POMZP3: variants seen among roughly 807,000 people sequenced by gnomAD.
POMZP3 encodes the protein POM121 and ZP3 fusion.
In POMZP3, 10 loss-of-function variants were observed where a neutral mutation model predicts 19.8. The observed-to-expected ratio is 0.51, with a 90% confidence interval of 0.31 to 0.86. The LOEUF (loss-of-function observed/expected upper bound fraction) is 0.86, where lower values mean the gene tolerates loss of function less well. POMZP3 is among the 40% of genes least tolerant of loss of function. The pLI, the probability that POMZP3 is intolerant of heterozygous loss-of-function variation, is 0.04. For synonymous variants in POMZP3, 57 were observed against 85.8 expected, an observed-to-expected ratio of 0.66 and a Z score of 1.85; for missense variants, 152 against 228.1, an observed-to-expected ratio of 0.67 and a Z score of 2.15.
intron 3 of POMZP3, among the ~76,000 whole-genome samples, chr7:76,622,610 C>T (rs1465354372): frequency 2.6e-5 from 4 of 151,680 alleles, no homozygotes; most frequent in African/African-American, 7.2e-5. Context: ...ATGATCCACC[C>T]GCCTTGGCCT....
rs772733313 is a variant in POMZP3 at position 76,611,472 on chromosome 7, G to A, written c.557C>T (p.Ser186Phe). ...GACATACCATGCCTGCGGTTACAGG[G>A]AAGCAGACGTGGACCACTGGCTCAC... Reference protein sequence around the residue: ...RVVSQWSTSASL With the variant: ...RVVSQWSTSAFL The change falls in exon 6 of 7, where the codon TCC becomes TTC. Residue 186 changes from serine to phenylalanine, a missense_variant. Physicochemically the swap from Ser to Phe is radical, Grantham distance 155 (BLOSUM62 -2). Coordinates refer to ENST00000310842, the MANE Select transcript of POMZP3 (RefSeq NM_012230.5). 1.1e-5 allele frequency: 18 copies of A among 1,600,518 alleles called. No homozygotes were observed. The South Asian group carries it at 1.8e-4, about 16-fold the overall frequency.
At chr7:76,616,542 T>C (rs1815298282) in intron 4 of POMZP3, among the ~76,000 whole-genome samples, 1 of 99,620 alleles carries the variant, frequency 1.0e-5, no homozygotes. Context: ...GCCTCACCTC[T>C]CATCTCAGTG....
rs771673705 is a variant in POMZP3 at position 76,611,580 on chromosome 7, A to C, written c.449T>G (p.Val150Gly). The change falls in exon 6 of 7, where the codon GTG (valine) becomes GGG (glycine). Residue 150 changes from valine (V) to glycine (G), a missense_variant. By Grantham distance (109) the Val-to-Gly change is moderately radical (BLOSUM62 -3). Around this residue, in one of 4 missense-constraint regions of POMZP3, gnomAD observed 65 missense variants for 86.2 expected, o/e 0.75. Transcript: ENST00000310842. The stretch of plus-strand genomic sequence containing the variant: ...TTGACAGATGTCAGCCAGGCCTTCC[A>C]CTGGGAACCAGCTGAGATGAAAGAG... ...FSKPSNSWFP[V>G]EGLADICQCC... 3.2e-5 allele frequency: 51 copies of C among 1,599,398 alleles called. No individual in the cohort carries two copies. In the South Asian group the frequency reaches 4.3e-4, roughly 14 times the overall value.
chr7:76,620,595 G>A (rs1017140513), intron 3 of POMZP3, among the ~76,000 whole-genome samples: 3 of 151,650 alleles, frequency 2.0e-5, no homozygotes, highest in African/African-American at 2.4e-5. Context: ...AGCCTCCCAA[G>A]TAGCTGAGAC....
intron 4 of POMZP3, among the ~76,000 whole-genome samples, chr7:76,615,971 C>G (rs1815264447): frequency 3.1e-5 from 1 of 32,184 alleles, no homozygotes; most frequent in Admixed American, 4.0e-4. Context: ...CAGAGACCCT[C>G]TCAAAAAAAA....
chr7:76,626,388 G>C (rs1815901879), intron 1 of POMZP3, 173 bp from the exon 2 acceptor site: 2 of 637,874 alleles, frequency 3.1e-6, no homozygotes, highest in Non-Finnish European at 5.4e-6. Flanking sequence ...TAAGAGCAGA[G>C]AGTGACAGCT....
At chr7:76,624,998 T>C (rs985861258) in intron 3 of POMZP3, among the ~76,000 whole-genome samples, 24 of 151,498 alleles carry the variant, frequency 1.6e-4, no homozygotes, top group African/African-American at 5.3e-4. Flanking sequence ...CCGGGCATGG[T>C]GGCGGGCGCC....
At chr7:76,624,632 G>A (rs945748746) in intron 3 of POMZP3, among the ~76,000 whole-genome samples, 1 of 148,824 alleles carries the variant, frequency 6.7e-6, no homozygotes, top group Non-Finnish European at 1.5e-5. Flanking sequence ...TTTTAGTAGA[G>A]ACGGGGTTTC....
At chr7:76,610,495 T>C (rs201318884) in intron 6 of POMZP3, among the ~76,000 whole-genome samples, 15,553 of 150,880 alleles carry the variant, frequency 0.1, 1,240 homozygotes, top group African/African-American at 0.23. Flanking sequence ...CTACTGAAAA[T>C]AAAAAAGTTA....
In POMZP3 at chr7:76,611,440, A is replaced by C; in HGVS notation, c.*11+14T>G. ...AGGGACAATGAACAGCCTCTTGGCC[A>C]TTCTATGACATACCATGCCTGCGGT... On this transcript the variant is annotated intron_variant, in intron 6 of 6. Coordinates refer to ENST00000310842, the MANE Select transcript of POMZP3 (RefSeq NM_012230.5). The C allele has an allele frequency of 6.5e-7, 1 of 1,536,898 alleles. No individual in the cohort carries two copies. The highest frequency in any genetic ancestry group is 8.8e-7 in the Non-Finnish European group (1 of 1,142,132).
chr7:76,610,887 T>A (rs999579425), intron 6 of POMZP3, among the ~76,000 whole-genome samples: 6 of 149,782 alleles, frequency 4.0e-5, no homozygotes, highest in Admixed American at 4.0e-4. Context: ...TTATTTTTTT[T>A]TTTTGAGAGA....
rs1815095367 is a variant in POMZP3 at position 76,611,447 on chromosome 7, G to C, written c.*11+7C>G. 1 of 1,548,252 alleles carries C rather than the reference G, an allele frequency of 6.5e-7. No individual in the cohort carries two copies. The highest frequency in any genetic ancestry group is 2.3e-5 in the East Asian group (1 of 43,800). On this transcript the variant is annotated splice_region_variant and intron_variant, in intron 6 of 6. Coordinates refer to ENST00000310842, the MANE Select transcript of POMZP3 (RefSeq NM_012230.5). Reference sequence around the variant, plus strand: ...ATGAACAGCCTCTTGGCCATTCTATGACATACCATGCCTGCGGTTACAGGG... The same window carrying C: ...ATGAACAGCCTCTTGGCCATTCTATCACATACCATGCCTGCGGTTACAGGG...
rs1269342045 is a variant in POMZP3, at chr7:76,614,787, G to T, written c.346-2974C>A. Among the ~76,000 whole-genome samples the T allele has an allele frequency of 7.2e-5, 6 of 83,536 alleles. 2 individuals are homozygous for T. The highest frequency in any genetic ancestry group is 1.4e-4 in the Non-Finnish European group (6 of 41,666). The allele number at this position is 83,536 out of a possible 152,430, so 54.8% of individuals were successfully genotyped here. ...GAGGCAGGAGAATGGCTTGAATAAG[G>T]AGGTGGAGGTTGCAGTGAACCGAGA... On this transcript the variant is annotated intron_variant, in intron 4 of 6. Transcript: ENST00000310842.
intron 3 of POMZP3, among the ~76,000 whole-genome samples, chr7:76,622,328 T>TG (rs1338731404): frequency 6.6e-6 from 1 of 150,612 alleles, no homozygotes; most frequent in African/African-American, 2.4e-5. Flanking sequence ...AACCCTCACT[T>TG]GGGGTCTGGG....
chr7:76,621,226 G>A (rs1480252648), intron 3 of POMZP3: 2 of 150,872 alleles, frequency 1.3e-5, no homozygotes, highest in African/African-American at 4.9e-5. Context: ...ATCCCTCCAG[G>A]GTGTCAGATG....
rs566549423 is a variant in POMZP3, at chr7:76,616,564, A to C, written c.345+1619T>G. Among the ~76,000 whole-genome samples the C allele has an allele frequency of 3.5e-4, 35 of 99,154 alleles. 8 individuals carry two copies. The East Asian group carries it at 8.7e-3, about 25-fold the overall frequency. 65.0% of individuals were successfully genotyped at this position (99,154 alleles called of 152,430 possible). ...CTCTCATCTCAGTGAGCTTGTTTAA[A>C]AGCTACTTGAGGCTGGGCATGGTGG... On this transcript the variant is annotated intron_variant, in intron 4 of 6. Transcript: ENST00000310842.
At chr7:76,621,435 G>A (rs1304104336) in intron 3 of POMZP3, 2 of 148,908 alleles carry the variant, frequency 1.3e-5, no homozygotes, top group Non-Finnish European at 3.0e-5. Context: ...AATGCCACCT[G>A]GAGTGGAGTT....
intron 6 of POMZP3, 86 bp from the exon 7 acceptor site, chr7:76,610,301 A>G (rs1158956713): frequency 2.4e-6 from 3 of 1,267,226 alleles, no homozygotes; most frequent in Non-Finnish European, 3.5e-6. Context: ...TCAGTGGGCT[A>G]AACTAATATG....
chr7:76,610,292 C>T, intron 6 of POMZP3, 77 bp from the exon 7 acceptor site: 1 of 1,446,670 alleles, frequency 6.9e-7, no homozygotes, highest in Non-Finnish European at 9.7e-7. Context: ...TATTCTGCCT[C>T]AGTGGGCTAA....
Sources: allele counts gnomAD v4.1 joint callset (sites outside exome capture counted in the v4.1 genomes callset), GRCh38; gene constraint gnomAD v4.1.1; regional missense constraint gnomAD v4.1.1; transcripts MANE v1.5; gene names NCBI Gene and HGNC (gene_info 2026-07-23, HGNC 2026-07-21).